The following PRKN variants were observed in gnomAD, a reference collection of about 807,000 sequenced individuals.
PRKN encodes E3 ubiquitin-protein ligase parkin.
In PRKN, 56 loss-of-function variants were observed where a neutral mutation model predicts 59.5. The ratio of observed to expected loss-of-function variants is 0.94; its 90% CI spans 0.76 to 1.18. The LOEUF (loss-of-function observed/expected upper bound fraction) is 1.18, where lower values mean the gene tolerates loss of function less well. Among genes scored for constraint, PRKN ranks in the 50% most tolerant of loss-of-function variants. The pLI is 0.00. For missense variants in PRKN, 657 were observed against 596.4 expected (o/e 1.10, Z -1.06); for synonymous variants, 250 against 222.1 (o/e 1.13, Z -1.12).
chr6:161,711,237 C>T (rs1786737951), intron 7 of PRKN, among the ~76,000 whole-genome samples: 1 of 152,102 alleles, frequency 6.6e-6, no homozygotes, highest in Non-Finnish European at 1.5e-5. Flanking sequence ...GATAGTTTTA[C>T]TGTTAGAATG....
At chr6:162,039,157 CAAAA>C (rs1404634739) in intron 5 of PRKN, among the ~76,000 whole-genome samples, 1 of 89,638 alleles carries the variant, frequency 1.1e-5, no homozygotes, top group Admixed American at 1.0e-4. Context: ...CTCCATCTCA[CAAAA>C]AAAAAAAAAA....
intron 7 of PRKN, among the ~76,000 whole-genome samples, chr6:161,751,688 G>A (rs1305905778): frequency 6.6e-6 from 1 of 152,210 alleles, no homozygotes; most frequent in Non-Finnish European, 1.5e-5. Flanking sequence ...GAATTCAGCT[G>A]TGAGCCAGAT....
chr6:161,415,531 AG>A (rs1270677372), intron 9 of PRKN, among the ~76,000 whole-genome samples: 1 of 149,692 alleles, frequency 6.7e-6, no homozygotes, highest in Non-Finnish European at 1.5e-5. Flanking sequence ...GAGGAAACGC[AG>A]AGCCTTCCAG....
At chr6:162,521,324 T>A (rs1008631206) in intron 1 of PRKN, among the ~76,000 whole-genome samples, 6 of 152,218 alleles carry the variant, frequency 3.9e-5, no homozygotes, top group African/African-American at 1.4e-4. Flanking sequence ...CTCTAGCTAG[T>A]AAAGCAAAGG....
intron 4 of PRKN, among the ~76,000 whole-genome samples, chr6:162,157,929 G>A (rs959042761): frequency 6.6e-6 from 1 of 151,948 alleles, no homozygotes; most frequent in Non-Finnish European, 1.5e-5. Flanking sequence ...TCAACATTTT[G>A]TTGCAACTTT....
intron 7 of PRKN, among the ~76,000 whole-genome samples, chr6:161,571,859 A>C (rs1583243329): frequency 6.6e-6 from 1 of 152,310 alleles, no homozygotes; most frequent in Non-Finnish European, 1.5e-5. Flanking sequence ...GGGCCTGCAC[A>C]GAACAAGAAG....
At chr6:161,937,674 G>T (rs1379633902) in intron 6 of PRKN, among the ~76,000 whole-genome samples, 1 of 152,176 alleles carries the variant, frequency 6.6e-6, no homozygotes, top group Non-Finnish European at 1.5e-5. Context: ...TCTTTTTAGT[G>T]AAATCAGATT....
chr6:161,933,433 A>G (rs1779239718), intron 6 of PRKN, among the ~76,000 whole-genome samples: 1 of 152,230 alleles, frequency 6.6e-6, no homozygotes, highest in Non-Finnish European at 1.5e-5. Context: ...ATTTTTACAA[A>G]AATATCCTGA....
At chr6:162,378,166 C>G (rs1375235170) in intron 2 of PRKN, among the ~76,000 whole-genome samples, 1 of 152,130 alleles carries the variant, frequency 6.6e-6, no homozygotes, top group African/African-American at 2.4e-5. Context: ...CCCTTTCTTT[C>G]TATGTGTAGA....
At chr6:161,922,432 T>C (rs2128239224) in intron 6 of PRKN, among the ~76,000 whole-genome samples, 1 of 152,294 alleles carries the variant, frequency 6.6e-6, no homozygotes, top group East Asian at 1.9e-4. Context: ...AAATATTAGT[T>C]TACTTTTTTC....
intron 1 of PRKN, among the ~76,000 whole-genome samples, chr6:162,468,144 G>T (rs962964055): frequency 6.6e-6 from 1 of 152,138 alleles, no homozygotes; most frequent in Non-Finnish European, 1.5e-5. Context: ...TATTCACAGG[G>T]ACTAATAAAA....
rs534091595 is a variant in PRKN at position 161,361,280 on chromosome 6, T to C, written c.1168-1075A>G. 5.3e-5 allele frequency among the ~76,000 whole-genome samples: 8 copies of C among 152,354 alleles called. No individual in the cohort carries two copies. The South Asian group carries it at 1.5e-3, about 28-fold the overall frequency. ...TGAAGTATTATGAGGAAAATAACTG[T>C]ACTGCATTTAATAGTTTCTTTAGGA... On this transcript the variant is annotated intron_variant, in intron 10 of 11. Coordinates refer to ENST00000366898, the MANE Select transcript of PRKN (RefSeq NM_004562.3). The surrounding 1 kb of genome is among the most constrained non-coding windows in gnomAD (Gnocchi z 5.2).
chr6:162,060,767 A>G (rs931657355), intron 4 of PRKN, among the ~76,000 whole-genome samples: 5 of 152,192 alleles, frequency 3.3e-5, no homozygotes, highest in African/African-American at 9.7e-5. Flanking sequence ...TGCTAATTCT[A>G]TTTTCCAAAA....
At position 161,401,358 on chromosome 6, in the gene PRKN, C is replaced by G. The variant is rs185986017; in HGVS notation, c.1084-14481G>C. Among the ~76,000 whole-genome samples, 1 of 152,238 alleles carries G rather than the reference C, an allele frequency of 6.6e-6. No individual in the cohort carries two copies. Among genetic ancestry groups the G allele is most frequent in the African/African-American group, 2.4e-5 (1 of 41,526 alleles). ...GGGCATGGTGGCTCACATCTGTAATCCCAGCACTTTGGGAAGCCAAGGTGG... is the reference window on the plus strand; with the variant it reads ...GGGCATGGTGGCTCACATCTGTAATGCCAGCACTTTGGGAAGCCAAGGTGG... On this transcript the variant is annotated intron_variant, in intron 9 of 11. Coordinates refer to ENST00000366898, the MANE Select transcript of PRKN (RefSeq NM_004562.3). This position sits in a 1 kb window ranked among gnomAD's most constrained non-coding sequence, Gnocchi z 4.4.
chr6:162,284,410 G>C (rs911743047), intron 2 of PRKN, among the ~76,000 whole-genome samples: 1 of 151,708 alleles, frequency 6.6e-6, no homozygotes, highest in African/African-American at 2.4e-5. Flanking sequence ...TTTTAGTAGA[G>C]ACCAGGTTTC....
chr6:162,540,278 G>T (rs1778877468), intron 1 of PRKN, among the ~76,000 whole-genome samples: 1 of 151,834 alleles, frequency 6.6e-6, no homozygotes, highest in Admixed American at 6.6e-5. Context: ...CACACAGGCT[G>T]AAGTGCAATG....
chr6:162,173,168 A>C (rs1393974371), intron 4 of PRKN, among the ~76,000 whole-genome samples: 1 of 152,154 alleles, frequency 6.6e-6, no homozygotes, highest in East Asian at 1.9e-4. Context: ...TGTGCTTCCA[A>C]GGCTCTCTTT....
intron 4 of PRKN, among the ~76,000 whole-genome samples, chr6:162,086,005 C>T (rs530458654): frequency 7.9e-5 from 12 of 152,284 alleles, no homozygotes; most frequent in African/African-American, 2.9e-4. Flanking sequence ...ATATTTCCTT[C>T]TTAAGGCTTT....
intron 6 of PRKN, among the ~76,000 whole-genome samples, chr6:161,886,756 A>AAT (rs1554241162): frequency 0.28 from 41,106 of 144,766 alleles, 6,023 homozygotes; most frequent in East Asian, 0.43. Context: ...TAAAATAAAA[A>AAT]AAAATAAAAT....
Sources: gnomAD v4.1 joint callset for allele counts (sites outside exome capture counted in the v4.1 genomes callset) on GRCh38, gnomAD v4.1.1 for gene constraint, Gnocchi (gnomAD v3.1) non-coding constraint, MANE v1.5 for transcripts, NCBI Gene and HGNC (gene_info 2026-07-23, HGNC 2026-07-21) for gene names.